The following CCDC80 variants were observed in gnomAD, a reference collection of about 807,000 sequenced individuals.
CCDC80 encodes the protein coiled-coil domain-containing protein 80.
A neutral mutation model predicts 78.7 loss-of-function variants in CCDC80; 49 were observed. That is an observed-to-expected ratio of 0.62 (90% CI 0.50 to 0.79). The LOEUF (loss-of-function observed/expected upper bound fraction) is 0.79. CCDC80 is among the 30% of genes least tolerant of loss of function. The pLI is 0.00. For missense variants in CCDC80, 1,205 were observed against 1,198.6 expected (o/e 1.01, Z -0.08); for synonymous variants, 488 against 447.0 (o/e 1.09, Z -1.16).
chr3:112,615,785 C>T (rs907846389), intron 5 of CCDC80, among the ~76,000 whole-genome samples: 3 of 152,298 alleles, frequency 2.0e-5, no homozygotes, highest in Non-Finnish European at 4.4e-5. Context: ...CACTGCTACA[C>T]TCCCACCACC....
chr3:112,601,320 A>G lies in CCDC80; in HGVS notation c.*4097T>C, dbSNP rs931056322. Reference sequence around the variant, plus strand: ...ATTCACATGTGGTTTGAATGCATTTATTAATCTCTGTACTTATTAGAATTA... The same window carrying G: ...ATTCACATGTGGTTTGAATGCATTTGTTAATCTCTGTACTTATTAGAATTA... On this transcript the variant is annotated 3_prime_UTR_variant, in exon 8 of 8. Transcript: ENST00000206423. 8 of 152,222 alleles carry G rather than the reference A, an allele frequency of 5.3e-5. No individual in the cohort carries two copies. The highest frequency in any genetic ancestry group is 1.9e-4 in the African/African-American group (8 of 41,448). The allele number at this position is 152,222 out of a possible 1,614,324, so 9.4% of individuals were successfully genotyped here.
intron 1 of CCDC80, 88 bp downstream of exon 1, chr3:112,640,239 T>C: frequency 3.7e-6 from 1 of 267,228 alleles, no homozygotes; most frequent in Non-Finnish European, 7.1e-6. Flanking sequence ...AGCATATTAA[T>C]TATGACAACA....
chr3:112,639,380 A>G lies in CCDC80; in HGVS notation c.526T>C (p.Tyr176His), dbSNP rs2107499196. ...LMMSLLKDDVYCELAERHIQQ... is the reference protein window; with the variant it reads ...LMMSLLKDDVHCELAERHIQQ... ...ATGTGCCTCTCCGCCAGCTCACAGT[A>G]CACATCGTCCTTCAGCAGGCTCATC... Residue 176 changes from tyrosine to histidine, a missense_variant, in exon 2 of 8, where the codon TAC (tyrosine) becomes CAC (histidine). Physicochemically the swap from Tyr to His is moderately conservative, Grantham distance 83 (BLOSUM62 2). Transcript: ENST00000206423. 2 of 1,614,126 alleles carry G rather than the reference A, an allele frequency of 1.2e-6. No homozygotes were observed. Among genetic ancestry groups the G allele is most frequent in the East Asian group, 4.5e-5 (2 of 44,878 alleles).
In CCDC80 at chr3:112,639,707, C is replaced by T; in HGVS notation, c.199G>A (p.Glu67Lys). The change falls in exon 2 of 8, where the codon GAG becomes AAG. Residue 67 changes from glutamate to lysine, a missense_variant. Glu to Lys is a moderately conservative substitution (Grantham distance 56). Coordinates refer to ENST00000206423, the MANE Select transcript of CCDC80 (RefSeq NM_199511.3). Reference protein sequence around the residue: ...RSRGIERSTLEEPNLQPLQRR... With the variant: ...RSRGIERSTLKEPNLQPLQRR... Reference sequence around the variant, plus strand: ...TGGAGAGGCTGAAGGTTTGGTTCCTCCAGAGTGGATCTCTCAATTCCGCGA... The same window carrying T: ...TGGAGAGGCTGAAGGTTTGGTTCCTTCAGAGTGGATCTCTCAATTCCGCGA... 6.2e-7 allele frequency: 1 copy of T among 1,614,172 alleles called. No homozygotes were observed. Among genetic ancestry groups the T allele is most frequent in the Non-Finnish European group, 8.5e-7 (1 of 1,180,022 alleles).
At chr3:112,616,531 T>C (rs1038588137) in intron 5 of CCDC80, among the ~76,000 whole-genome samples, 179 bp downstream of exon 5, 1 of 151,500 alleles carries the variant, frequency 6.6e-6, no homozygotes, top group Non-Finnish European at 1.5e-5. Context: ...GCCAGCCCTG[T>C]AGCCAGAGAC....
At chr3:112,628,743 C>A (rs1249393837) in intron 3 of CCDC80, among the ~76,000 whole-genome samples, 1 of 152,070 alleles carries the variant, frequency 6.6e-6, no homozygotes. Context: ...ACACACAGTG[C>A]AGGATAAATG....
intron 6 of CCDC80, among the ~76,000 whole-genome samples, chr3:112,607,485 G>T (rs535423978): frequency 6.6e-6 from 1 of 152,234 alleles, no homozygotes; most frequent in South Asian, 2.1e-4. Context: ...TGACAAAAAA[G>T]AAAAGAAAAG....
At chr3:112,612,578 C>T (rs1408017697) in intron 5 of CCDC80, among the ~76,000 whole-genome samples, 3 of 152,172 alleles carry the variant, frequency 2.0e-5, no homozygotes, top group Non-Finnish European at 4.4e-5. Flanking sequence ...TTATTTTAGA[C>T]AAATTGTTTT....
At position 112,638,747 on chromosome 3, in the gene CCDC80, G is replaced by A. The variant is rs1328997920; in HGVS notation, c.1159C>T (p.Pro387Ser). The A allele has an allele frequency of 1.2e-6, 2 of 1,613,978 alleles. No individual in the cohort carries two copies. The highest frequency in any genetic ancestry group is 2.7e-5 in the African/African-American group (2 of 75,004). The change falls in exon 2 of 8, where the codon CCC (proline) becomes TCC (serine). Residue 387 changes from proline (P) to serine (S), a missense_variant. Coordinates refer to ENST00000206423, the MANE Select transcript of CCDC80 (RefSeq NM_199511.3). ...CTGTGGGAGGGTGAGGGGGTCCAGG[G>A]CCTCTGCGTGGTGGGAAAGGCAGTG... ...TTTAFPTTQRPWTPSPSHRPP... is the reference protein window; with the variant it reads ...TTTAFPTTQRSWTPSPSHRPP...
intron 6 of CCDC80, 106 bp downstream of exon 6, chr3:112,609,872 T>C: frequency 1.2e-6 from 1 of 822,014 alleles, no homozygotes; most frequent in Non-Finnish European, 1.9e-6. Flanking sequence ...CTGAACAGTC[T>C]GAACTAGGAA....
chr3:112,632,451 G>A (rs1404463770), intron 2 of CCDC80, among the ~76,000 whole-genome samples: 1 of 152,118 alleles, frequency 6.6e-6, no homozygotes, highest in Non-Finnish European at 1.5e-5. Context: ...AAAATTATCT[G>A]TTTCTGTAAC....
chr3:112,617,941 G>T (rs6762790), intron 4 of CCDC80, among the ~76,000 whole-genome samples: 151,415 of 152,368 alleles, frequency 0.99, 75,243 homozygotes, highest in Middle Eastern at 1. Context: ...CAGTGGGTTC[G>T]GGAGCCAGCC....
chr3:112,622,431 A>C (rs1935884774), intron 3 of CCDC80, among the ~76,000 whole-genome samples: 1 of 152,190 alleles, frequency 6.6e-6, no homozygotes, highest in South Asian at 2.1e-4. Flanking sequence ...ACTCTAGGCC[A>C]GTATGTGTGA....
In CCDC80 at chr3:112,630,275, G is replaced by A. The variant is rs564202459; in HGVS notation, c.1879-6C>T. 4 of 1,613,344 alleles carry A rather than the reference G, an allele frequency of 2.5e-6. No individual in the cohort carries two copies. The African/African-American group carries it at 4.0e-5, about 16-fold the overall frequency. On this transcript the variant is annotated splice_region_variant and splice_polypyrimidine_tract_variant and intron_variant, in intron 2 of 7. Coordinates refer to ENST00000206423, the MANE Select transcript of CCDC80 (RefSeq NM_199511.3). ...GCCTTGGGAGCAGTGATCAGCTGGA[G>A]GTGGGTGAAGACAAACAAATACTCA... is the stretch of plus-strand genomic sequence containing the variant.
In CCDC80 at chr3:112,610,083, T is replaced by C; in HGVS notation, c.2322-2A>G. The C allele has an allele frequency of 1.2e-6, 2 of 1,610,600 alleles. No homozygotes were observed. The highest frequency in any genetic ancestry group is 1.7e-6 in the Non-Finnish European group (2 of 1,179,050). On this transcript the variant is annotated splice_acceptor_variant, in intron 5 of 7. Transcript: ENST00000206423. LOFTEE classifies it high-confidence loss of function. ...AGCAACCTCCTCCTCCACCGGAACC[T>C]GGAAAAAAAAAGCAGGACACCATTA...
chr3:112,622,648 TA>T (rs1296279346), intron 3 of CCDC80, among the ~76,000 whole-genome samples: 4 of 151,842 alleles, frequency 2.6e-5, no homozygotes, highest in African/African-American at 9.7e-5. Flanking sequence ...ATTCTTTTTT[TA>T]AAAAAAATTA....
At chr3:112,634,297 G>C (rs1394185223) in intron 2 of CCDC80, among the ~76,000 whole-genome samples, 1 of 152,116 alleles carries the variant, frequency 6.6e-6, no homozygotes, top group Non-Finnish European at 1.5e-5. Flanking sequence ...GAACCCACTT[G>C]AATTACAGGA....
In CCDC80 at chr3:112,605,418, C is replaced by T. The variant is rs756790051; in HGVS notation, c.2852G>A (p.Ter951=). 3.1e-6 allele frequency: 5 copies of T among 1,608,010 alleles called. No individual in the cohort carries two copies. The East Asian group carries it at 6.7e-5, about 22-fold the overall frequency. The change falls in exon 8 of 8, where the codon TGA becomes TAA. Residue 951 remains the stop codon, a stop_retained_variant. Transcript: ENST00000206423. ...HESYHHGYPY[*] is the part of the protein sequence containing the mutation. ...GAGTCTAAGGTTACATATTTCTGCT[C>T]AGTAAGGGTATCCATGGTGATAACT...
Position 112,603,070 on chromosome 3 carries a change from C to T in CCDC80, c.*2347G>A, listed in dbSNP as rs1935403260. ...ATGCTCATTTACCATTTCCCCAAATCCTACGACTTTTCAGAATTATGCTAA... is the reference window on the plus strand; with the variant it reads ...ATGCTCATTTACCATTTCCCCAAATTCTACGACTTTTCAGAATTATGCTAA... On this transcript the variant is annotated 3_prime_UTR_variant, in exon 8 of 8. Coordinates refer to ENST00000206423, the MANE Select transcript of CCDC80 (RefSeq NM_199511.3). The T allele has an allele frequency of 6.6e-6, 1 of 152,144 alleles. No homozygotes were observed. Among genetic ancestry groups the T allele is most frequent in the African/African-American group, 2.4e-5 (1 of 41,422 alleles). 9.4% of individuals were successfully genotyped at this position (152,144 alleles called of 1,614,324 possible). A position where few individuals can be genotyped will look rare whatever the true frequency, so the allele number is the denominator to read the frequency against.
Sources: gnomAD v4.1 joint callset for allele counts (sites outside exome capture counted in the v4.1 genomes callset) on GRCh38, gnomAD v4.1.1 for gene constraint, MANE v1.5 for transcripts, NCBI Gene and HGNC (gene_info 2026-07-23, HGNC 2026-07-21) for gene names.